Variants in PDE10A observed in about 807,000 individuals in gnomAD.
The protein encoded by PDE10A is phosphodiesterase 10A, also known as cAMP and cAMP-inhibited cGMP 3',5'-cyclic phosphodiesterase 10A.
In PDE10A, 39 loss-of-function variants were observed where a neutral mutation model predicts 97.7. The observed-to-expected ratio is 0.40, with a 90% CI of 0.31 to 0.52. PDE10A has a LOEUF of 0.52. PDE10A is among the 20% of genes least tolerant of loss of function. The pLI, the probability that PDE10A is intolerant of heterozygous loss-of-function variation, is 0.56. For missense variants in PDE10A, 731 were observed against 1,047.8 expected (o/e 0.70, Z 4.17); for synonymous variants, 371 against 376.8 (o/e 0.98, Z 0.18).
At chr6:165,748,940 C>T (rs185443581) in intron 1 of PDE10A, among the ~76,000 whole-genome samples, 5 of 152,036 alleles carry the variant, frequency 3.3e-5, no homozygotes, top group Admixed American at 1.3e-4. Flanking sequence ...ATGCCACTGC[C>T]GCTGTGCAAT....
intron 1 of PDE10A, among the ~76,000 whole-genome samples, chr6:165,728,909 A>G (rs574984283): frequency 8.5e-5 from 13 of 152,334 alleles, no homozygotes; most frequent in African/African-American, 3.1e-4. Flanking sequence ...TATACACATA[A>G]TTGAAAAGAG....
chr6:165,858,438 G>T (rs934328969), intron 1 of PDE10A, among the ~76,000 whole-genome samples: 3 of 152,156 alleles, frequency 2.0e-5, no homozygotes, highest in African/African-American at 4.8e-5. Flanking sequence ...TGAGAACCAT[G>T]AGTTTAAACC....
chr6:165,900,501 A>G (rs962316501), intron 1 of PDE10A, among the ~76,000 whole-genome samples: 2 of 152,060 alleles, frequency 1.3e-5, no homozygotes, highest in African/African-American at 4.8e-5. Flanking sequence ...AATAAAAAAA[A>G]AAGACATCTG....
intron 1 of PDE10A, among the ~76,000 whole-genome samples, chr6:165,777,808 AG>A (rs1043993253): frequency 3.3e-5 from 5 of 152,314 alleles, no homozygotes; most frequent in Non-Finnish European, 5.9e-5. Flanking sequence ...CCAGTCATCA[AG>A]TCCGGAATTG....
At chr6:165,622,198 C>T (rs3008027) in intron 1 of PDE10A, among the ~76,000 whole-genome samples, 17,124 of 152,180 alleles carry the variant, frequency 0.11, 977 homozygotes, top group African/African-American at 0.14. Flanking sequence ...ACTTGCTGGC[C>T]TCCTCAACCA....
chr6:165,887,445 T>C (rs919217863), intron 1 of PDE10A, among the ~76,000 whole-genome samples: 2 of 152,222 alleles, frequency 1.3e-5, no homozygotes, highest in African/African-American at 4.8e-5. Context: ...TAATGTAGAA[T>C]GCACAGATTG....
chr6:165,824,855 T>C (rs1464781661), intron 1 of PDE10A, among the ~76,000 whole-genome samples: 2 of 150,178 alleles, frequency 1.3e-5, no homozygotes, highest in African/African-American at 2.5e-5. Context: ...TTTGGCTGGG[T>C]GCGGTGGCTC....
chr6:165,713,592 T>C (rs1018768527), intron 1 of PDE10A, among the ~76,000 whole-genome samples: 5 of 152,142 alleles, frequency 3.3e-5, no homozygotes, highest in African/African-American at 1.2e-4. Flanking sequence ...GGCTGACAGA[T>C]AAGGTTTGAC....
chr6:165,915,288 C>T (rs542142978), intron 1 of PDE10A, among the ~76,000 whole-genome samples: 1 of 152,174 alleles, frequency 6.6e-6, no homozygotes, highest in South Asian at 2.1e-4. Context: ...GTGACAAGGT[C>T]CCTTTCCTCA....
chr6:165,820,747 CGAAA>C (rs1479390207), intron 1 of PDE10A, among the ~76,000 whole-genome samples: 2 of 152,166 alleles, frequency 1.3e-5, no homozygotes, highest in African/African-American at 2.4e-5. Context: ...GGAGAACAAA[CGAAA>C]GAAAGCCATA....
chr6:165,486,788 C>A (rs544030458), intron 2 of PDE10A, among the ~76,000 whole-genome samples: 178 of 152,280 alleles, frequency 1.2e-3, no homozygotes, highest in Middle Eastern at 3.4e-3. Flanking sequence ...ACTTGTGTGA[C>A]CTATTTAACC....
intron 1 of PDE10A, among the ~76,000 whole-genome samples, chr6:165,641,448 G>A (rs1789129807): frequency 6.6e-6 from 1 of 152,194 alleles, no homozygotes; most frequent in African/African-American, 2.4e-5. Context: ...ATGTTTTAAA[G>A]GTTGATGTCT....
At chr6:165,650,072 TAGG>T (rs1480541527) in intron 1 of PDE10A, among the ~76,000 whole-genome samples, 8 of 152,104 alleles carry the variant, frequency 5.3e-5, no homozygotes, top group South Asian at 4.1e-4. Context: ...GGATCTTGTG[TAGG>T]AGAAGTGGGA....
intron 1 of PDE10A, among the ~76,000 whole-genome samples, chr6:165,635,793 AG>A (rs1356727627): frequency 1.3e-5 from 2 of 152,222 alleles, no homozygotes; most frequent in African/African-American, 4.8e-5. Flanking sequence ...ACAAGAATAA[AG>A]GTACCTTTAA....
At chr6:165,926,892 C>G (rs1317846080) in intron 1 of PDE10A, among the ~76,000 whole-genome samples, 2 of 152,142 alleles carry the variant, frequency 1.3e-5, no homozygotes, top group Admixed American at 1.3e-4. Context: ...TTTGCAGTTG[C>G]ATTTAAAAGA....
intron 1 of PDE10A, among the ~76,000 whole-genome samples, chr6:165,753,818 G>T (rs114248991): frequency 0.014 from 2,150 of 152,296 alleles, 50 homozygotes; most frequent in African/African-American, 0.049. Flanking sequence ...ATTGGAATGA[G>T]CATAGTAACA....
intron 1 of PDE10A, among the ~76,000 whole-genome samples, chr6:165,924,570 C>A (rs949964894): frequency 6.6e-6 from 1 of 152,170 alleles, no homozygotes; most frequent in African/African-American, 2.4e-5. Flanking sequence ...GAAGATCTCC[C>A]TCTGTGGTAC....
intron 1 of PDE10A, among the ~76,000 whole-genome samples, chr6:165,636,363 T>C (rs1275792074): frequency 6.6e-6 from 1 of 152,164 alleles, no homozygotes; most frequent in Non-Finnish European, 1.5e-5. Context: ...AGGAGCAAAA[T>C]TGAAGTAGAA....
intron 2 of PDE10A, among the ~76,000 whole-genome samples, chr6:165,532,218 G>T (rs940842623): frequency 2.6e-5 from 4 of 151,714 alleles, no homozygotes; most frequent in African/African-American, 9.7e-5. Context: ...CTGCTTTCCT[G>T]CCTTTGCTCA....
Sources: allele counts gnomAD v4.1 joint callset (sites outside exome capture counted in the v4.1 genomes callset), GRCh38; gene constraint gnomAD v4.1.1; transcripts MANE v1.5; gene names NCBI Gene and HGNC (gene_info 2026-07-23, HGNC 2026-07-21).